Variants in SAMM50 observed in about 807,000 individuals in gnomAD.
SAMM50 encodes sorting and assembly machinery component 50 homolog.
A neutral mutation model predicts 66.9 loss-of-function variants in SAMM50; 47 were observed. The ratio of observed to expected loss-of-function variants is 0.70; its 90% CI spans 0.56 to 0.90. The LOEUF is 0.90. SAMM50 is among the 40% of genes least tolerant of loss of function. The pLI is 0.00. For synonymous variants in SAMM50, 191 were observed against 214.1 expected, an observed-to-expected ratio of 0.89 and a Z score of 0.94; for missense variants, 535 against 595.3, an observed-to-expected ratio of 0.90 and a Z score of 1.05.
At chr22:43,982,290 T>C (rs148015886) in intron 11 of SAMM50, among the ~76,000 whole-genome samples, 1 of 152,338 alleles carries the variant, frequency 6.6e-6, no homozygotes, top group East Asian at 1.9e-4. Flanking sequence ...GGATGTCCAT[T>C]GTAGCATTGC....
chr22:43,975,875 C>T, intron 7 of SAMM50, 180 bp from the exon 8 acceptor site: 3 of 619,154 alleles, frequency 4.8e-6, no homozygotes, highest in Non-Finnish European at 8.3e-6. Flanking sequence ...CTTCCTTTGT[C>T]CTTCTTCCCT....
In SAMM50 at chr22:43,977,914, G is replaced by C. The variant is rs1358274022; in HGVS notation, c.892G>C (p.Glu298Gln). The C allele has an allele frequency of 4.3e-6, 7 of 1,613,234 alleles. No individual in the cohort carries two copies. The highest frequency in any genetic ancestry group is 1.7e-5 in the Admixed American group (1 of 59,916). The change falls in exon 10 of 15, where the codon GAA becomes CAA. Residue 298 changes from glutamate to glutamine, a missense_variant. Transcript: ENST00000350028. Reference sequence around the variant, plus strand: ...TGGCGGGGATGTGAGCTTCATCAAAGAAGATTTTGAACTTCAGTTGAACAA... The same window carrying C: ...TGGCGGGGATGTGAGCTTCATCAAACAAGATTTTGAACTTCAGTTGAACAA... The part of the protein sequence containing the change: ...YTGGDVSFIK[E>Q]DFELQLNKQL...
chr22:43,965,300 A>G (rs1424002017), intron 3 of SAMM50, among the ~76,000 whole-genome samples: 4 of 151,750 alleles, frequency 2.6e-5, no homozygotes, highest in African/African-American at 9.7e-5. Context: ...CTGCCTCCCA[A>G]GTTCAAAGGA....
At chr22:43,969,752 A>C (rs186916257) in intron 4 of SAMM50, among the ~76,000 whole-genome samples, 131 of 152,294 alleles carry the variant, frequency 8.6e-4, no homozygotes, top group African/African-American at 2.8e-3. Context: ...GGCCCACGCC[A>C]GGGGAGAGTG....
intron 12 of SAMM50, among the ~76,000 whole-genome samples, chr22:43,985,821 T>C (rs1318395378): frequency 6.6e-6 from 1 of 151,918 alleles, no homozygotes; most frequent in Non-Finnish European, 1.5e-5. Flanking sequence ...CCTTTTGCAT[T>C]TCCCCAGTGA....
intron 3 of SAMM50, among the ~76,000 whole-genome samples, chr22:43,966,695 C>G (rs963650166): frequency 6.6e-6 from 1 of 152,304 alleles, no homozygotes; most frequent in South Asian, 2.1e-4. Flanking sequence ...GAGACGGTCT[C>G]TTTCCCAAAA....
chr22:43,980,751 G>A (rs772775051), intron 10 of SAMM50, among the ~76,000 whole-genome samples: 44 of 152,236 alleles, frequency 2.9e-4, no homozygotes, highest in Non-Finnish European at 5.0e-4. Context: ...GGCAGAGAAC[G>A]TGTGAGGCTC....
At chr22:43,978,282 A>C (rs1461275921) in intron 10 of SAMM50, among the ~76,000 whole-genome samples, 1 of 151,802 alleles carries the variant, frequency 6.6e-6, no homozygotes, top group African/African-American at 2.4e-5. Flanking sequence ...TCTACTAAAA[A>C]AAATTAGCCG....
intron 12 of SAMM50, among the ~76,000 whole-genome samples, chr22:43,984,225 G>A (rs952876318): frequency 6.6e-6 from 1 of 152,140 alleles, no homozygotes; most frequent in African/African-American, 2.4e-5. Context: ...AAAATGACCC[G>A]CAGTCCTACC....
rs1345448979 is a variant in SAMM50 at position 43,955,542 on chromosome 22, G to T, written c.-36G>T. 3 of 1,592,328 alleles carry T rather than the reference G, an allele frequency of 1.9e-6. No homozygotes were observed. Among genetic ancestry groups the T allele is most frequent in the Non-Finnish European group, 2.6e-6 (3 of 1,170,212 alleles). On this transcript the variant is annotated 5_prime_UTR_variant, in exon 1 of 15. Transcript: ENST00000350028. ...CAGCAGCAGACGCTCTGTCCCGCCC[G>T]GGCAGCTCTGCGAGGCAGCGGCTGG...
At chr22:43,963,838 C>G (rs2050159495) in intron 2 of SAMM50, among the ~76,000 whole-genome samples, 1 of 151,970 alleles carries the variant, frequency 6.6e-6, no homozygotes, top group African/African-American at 2.4e-5. Context: ...TTTGAGTCAG[C>G]ATTTATTGTG....
intron 12 of SAMM50, 120 bp from the exon 13 acceptor site, chr22:43,988,991 C>T: frequency 1.1e-6 from 1 of 938,040 alleles, no homozygotes; most frequent in Non-Finnish European, 1.6e-6. Context: ...TGCTTGCAAA[C>T]TCCAGCACTG....
chr22:43,977,960 T>G lies in SAMM50; in HGVS notation c.936+2T>G. The G allele has an allele frequency of 6.2e-7, 1 of 1,603,244 alleles. No individual in the cohort carries two copies. The highest frequency in any genetic ancestry group is 8.5e-7 in the Non-Finnish European group (1 of 1,170,920). ...AACAAGCAACTCATATTTGATTCAG[T>G]GAGTATCTAACGGATGCTGGCACCT... is the stretch of plus-strand genomic sequence containing the variant. On this transcript the variant is annotated splice_donor_variant, in intron 10 of 14. Transcript: ENST00000350028. LOFTEE classifies it high-confidence loss of function.
intron 6 of SAMM50, 76 bp from the exon 7 acceptor site, chr22:43,973,160 T>TA (rs555589459): frequency 3.0e-6 from 4 of 1,327,624 alleles, no homozygotes; most frequent in Non-Finnish European, 4.3e-6. Context: ...GGCGTAGTGT[T>TA]AAGTCTGTTG....
intron 14 of SAMM50, among the ~76,000 whole-genome samples, chr22:43,994,881 T>TA (rs955003117): frequency 1.3e-5 from 2 of 152,236 alleles, no homozygotes; most frequent in Non-Finnish European, 2.9e-5. Context: ...TGTTTGTACT[T>TA]AGAGTGACAG....
Position 43,955,504 on chromosome 22 carries a change from C to A in SAMM50, c.-74C>A. The stretch of plus-strand genomic sequence containing the variant: ...ACCTGCAGCTCCGCCACCGCGGACC[C>A]GCCTTCTGCCCTCAGCAGCAGACGC... On this transcript the variant is annotated 5_prime_UTR_variant, in exon 1 of 15. Coordinates refer to ENST00000350028, the MANE Select transcript of SAMM50 (RefSeq NM_015380.5). 6.5e-7 allele frequency: 1 copy of A among 1,535,848 alleles called. No homozygotes were observed. Among genetic ancestry groups the A allele is most frequent in the East Asian group, 2.4e-5 (1 of 41,982 alleles).
At chr22:43,994,777 C>T (rs1229560700) in intron 14 of SAMM50, among the ~76,000 whole-genome samples, 1 of 152,194 alleles carries the variant, frequency 6.6e-6, no homozygotes, top group Admixed American at 6.5e-5. Context: ...CTTCGCAGCG[C>T]TGCTTTGAAT....
At position 43,958,476 on chromosome 22, in the gene SAMM50, C is replaced by CCTT. The variant is rs556794281; in HGVS notation, c.21+2878_21+2879insCTT. 3.4e-3 allele frequency among the ~76,000 whole-genome samples: 382 copies of CCTT among 112,566 alleles called. 2 individuals carry two copies. The highest frequency in any genetic ancestry group is 0.013 in the African/African-American group (371 of 28,468). 73.8% of individuals were successfully genotyped at this position (112,566 alleles called of 152,430 possible). A position where few individuals can be genotyped will look rare whatever the true frequency, so the allele number is the denominator to read the frequency against. On this transcript the variant is annotated intron_variant, in intron 1 of 14. Coordinates refer to ENST00000350028, the MANE Select transcript of SAMM50 (RefSeq NM_015380.5). ...AAAAAGTATCTGCCTTTATGGAGCT[C>CCTT]TTTTTTTTTTTTTTTTTTTTGAGGC...
intron 10 of SAMM50, among the ~76,000 whole-genome samples, chr22:43,981,031 G>A (rs928738031): frequency 1.3e-5 from 2 of 152,172 alleles, no homozygotes; most frequent in Admixed American, 6.5e-5. Flanking sequence ...CGGCAAAGAG[G>A]CCTGAGCAGG....
Sources: allele counts gnomAD v4.1 joint callset (sites outside exome capture counted in the v4.1 genomes callset), GRCh38; gene constraint gnomAD v4.1.1; transcripts MANE v1.5; gene names NCBI Gene and HGNC (gene_info 2026-07-23, HGNC 2026-07-21).